NSMCE2: variants seen among roughly 807,000 people sequenced by gnomAD.
NSMCE2 encodes the protein E3 SUMO-protein ligase NSE2.
In NSMCE2, 24 loss-of-function variants were observed where a neutral mutation model predicts 23.8. The ratio of observed to expected loss-of-function variants is 1.01; its 90% confidence interval spans 0.73 to 1.42. The LOEUF is 1.42. Among genes scored for constraint, NSMCE2 ranks in the 40% most tolerant of loss-of-function variants. The pLI, the probability that NSMCE2 is intolerant of heterozygous loss-of-function variation, is 0.00. For missense variants in NSMCE2, 284 were observed against 296.5 expected (o/e 0.96, Z 0.31); for synonymous variants, 92 against 94.1 (o/e 0.98, Z 0.13).
At chr8:125,353,743 C>T (rs1813133535) in intron 5 of NSMCE2, among the ~76,000 whole-genome samples, 1 of 151,178 alleles carries the variant, frequency 6.6e-6, no homozygotes, top group African/African-American at 2.4e-5. Flanking sequence ...ATTAGCTGGG[C>T]CTGGTGGTGG....
At chr8:125,244,289 G>A (rs545830116) in intron 5 of NSMCE2, among the ~76,000 whole-genome samples, 1 of 152,186 alleles carries the variant, frequency 6.6e-6, no homozygotes, top group Non-Finnish European at 1.5e-5. Context: ...TTGAGCAGTA[G>A]CAGAGTAAAA....
chr8:125,196,974 C>T (rs775595491), intron 5 of NSMCE2, among the ~76,000 whole-genome samples: 4 of 152,094 alleles, frequency 2.6e-5, no homozygotes, highest in East Asian at 1.9e-4. Context: ...TTTTTTCATG[C>T]GTCTGTTGGC....
At chr8:125,196,519 A>G (rs537936311) in intron 5 of NSMCE2, among the ~76,000 whole-genome samples, 2 of 152,292 alleles carry the variant, frequency 1.3e-5, no homozygotes, top group South Asian at 4.1e-4. Context: ...ATGTCCCTGC[A>G]GAGGACATGA....
intron 3 of NSMCE2, 36 bp downstream of exon 3, chr8:125,102,523 G>A: frequency 6.4e-7 from 1 of 1,561,470 alleles, no homozygotes; most frequent in Non-Finnish European, 8.8e-7. Context: ...TGTCTACTTT[G>A]AGGTAACACT....
chr8:125,113,792 CCTTAGTGGTTAGGTAAT>C (rs1469586192), intron 3 of NSMCE2, among the ~76,000 whole-genome samples: 5 of 152,084 alleles, frequency 3.3e-5, no homozygotes, highest in Admixed American at 6.6e-5. Flanking sequence ...CTGAAAGGGA[CCTTAGTGGTTAGGTAAT>C]CTCTCATGAA....
chr8:125,175,255 A>C (rs1586564877), intron 4 of NSMCE2, among the ~76,000 whole-genome samples: 1 of 152,168 alleles, frequency 6.6e-6, no homozygotes, highest in Non-Finnish European at 1.5e-5. Context: ...GCTTAGCATA[A>C]TGCCTGGCAC....
intron 5 of NSMCE2, among the ~76,000 whole-genome samples, chr8:125,271,154 A>G (rs566454105): frequency 2.2e-3 from 333 of 151,792 alleles, no homozygotes; most frequent in African/African-American, 7.6e-3. Flanking sequence ...CCAGCTACTC[A>G]GGAGGCTAAG....
chr8:125,216,284 T>C (rs1395207506), intron 5 of NSMCE2, among the ~76,000 whole-genome samples: 1 of 152,246 alleles, frequency 6.6e-6, no homozygotes, highest in Non-Finnish European at 1.5e-5. Flanking sequence ...TACATGTATC[T>C]GTTTGAGTTT....
chr8:125,204,977 C>G (rs1217959680), intron 5 of NSMCE2, among the ~76,000 whole-genome samples: 5 of 152,218 alleles, frequency 3.3e-5, no homozygotes. Flanking sequence ...TTCCATGGCT[C>G]CCTTCAGCCC....
At chr8:125,218,595 A>G (rs113052423) in intron 5 of NSMCE2, among the ~76,000 whole-genome samples, 2,689 of 152,120 alleles carry the variant, frequency 0.018, 68 homozygotes, top group African/African-American at 0.062. Flanking sequence ...TATTTTTAGT[A>G]GACGTGGGGT....
rs73336887 is a variant in NSMCE2 at position 125,346,750 on chromosome 8, A to G, written c.419-10469A>G. ...GTGGATATTGTATGACCAAATCTTAACTGACGATTTTTGTCCTACCAGTTG... is the reference window on the plus strand; with the variant it reads ...GTGGATATTGTATGACCAAATCTTAGCTGACGATTTTTGTCCTACCAGTTG... On this transcript the variant is annotated intron_variant, in intron 5 of 7. Coordinates refer to ENST00000287437, the MANE Select transcript of NSMCE2 (RefSeq NM_173685.4). Among the ~76,000 whole-genome samples, 921 of 152,266 alleles carry G rather than the reference A, an allele frequency of 6.0e-3. 7 individuals carry two copies. The highest frequency in any genetic ancestry group is 0.022 in the African/African-American group (895 of 41,552).
intron 5 of NSMCE2, among the ~76,000 whole-genome samples, chr8:125,278,803 G>A (rs1375204139): frequency 1.3e-5 from 2 of 151,930 alleles, no homozygotes; most frequent in Non-Finnish European, 2.9e-5. Flanking sequence ...GTAGACTTTA[G>A]TGCTTTTACT....
chr8:125,148,908 G>C (rs764420134), intron 3 of NSMCE2, among the ~76,000 whole-genome samples: 5 of 152,042 alleles, frequency 3.3e-5, no homozygotes, highest in African/African-American at 4.8e-5. Context: ...CATTACATTA[G>C]GATGTAAGTT....
At chr8:125,173,921 G>A (rs1822347724) in intron 4 of NSMCE2, among the ~76,000 whole-genome samples, 1 of 152,176 alleles carries the variant, frequency 6.6e-6, no homozygotes. Context: ...TCATATCTGT[G>A]AAATTGGGAT....
chr8:125,179,836 G>A (rs1586572491), intron 4 of NSMCE2, among the ~76,000 whole-genome samples: 1 of 152,140 alleles, frequency 6.6e-6, no homozygotes, highest in East Asian at 1.9e-4. Context: ...GTGGAACTGT[G>A]GGAATTAAGT....
At chr8:125,332,345 A>T (rs1829910872) in intron 5 of NSMCE2, among the ~76,000 whole-genome samples, 1 of 152,214 alleles carries the variant, frequency 6.6e-6, no homozygotes, top group Admixed American at 6.5e-5. Context: ...CCTTAGATAC[A>T]TGAGGTAGTA....
At chr8:125,181,666 G>C (rs1038249439) in intron 4 of NSMCE2, among the ~76,000 whole-genome samples, 4 of 151,844 alleles carry the variant, frequency 2.6e-5, no homozygotes, top group Non-Finnish European at 4.4e-5. Flanking sequence ...CTTTTGTAAA[G>C]CAGAAGTGAC....
At chr8:125,320,241 G>GAAGGA (rs1563782578) in intron 5 of NSMCE2, among the ~76,000 whole-genome samples, 7 of 49,594 alleles carry the variant, frequency 1.4e-4, no homozygotes, top group East Asian at 8.1e-4. Flanking sequence ...GGAAGGGAGG[G>GAAGGA]AGGGAGGGAG....
At chr8:125,103,044 G>A (rs1818274811) in intron 3 of NSMCE2, among the ~76,000 whole-genome samples, 1 of 152,194 alleles carries the variant, frequency 6.6e-6, no homozygotes, top group African/African-American at 2.4e-5. Context: ...GAGGCCGGCA[G>A]ATCACGAGGT....
Sources: allele counts gnomAD v4.1 joint callset (sites outside exome capture counted in the v4.1 genomes callset), GRCh38; gene constraint gnomAD v4.1.1; transcripts MANE v1.5; gene names NCBI Gene and HGNC (gene_info 2026-07-23, HGNC 2026-07-21).